The following NUP98 variants were observed in gnomAD, a reference collection of about 807,000 sequenced individuals.
NUP98 encodes nucleoporin 98 and 96 precursor, also known as nuclear pore complex protein Nup98-Nup96.
NUP98 carries 26 observed loss-of-function variants against 191.9 expected under a neutral mutation model. The ratio of observed to expected loss-of-function variants is 0.14; its 90% CI spans 0.10 to 0.19. The LOEUF is 0.19. Among genes scored for constraint, NUP98 ranks in the 10% least tolerant of loss-of-function variants. NUP98 has a pLI of 1.00. For missense variants in NUP98, 1,941 were observed against 2,178.8 expected, an observed-to-expected ratio of 0.89 and a Z score of 2.17; for synonymous variants, 808 against 778.4, an observed-to-expected ratio of 1.04 and a Z score of -0.63.
At chr11:3,706,117 C>G (rs995280700) in intron 21 of NUP98, among the ~76,000 whole-genome samples, 1 of 151,782 alleles carries the variant, frequency 6.6e-6, no homozygotes, top group African/African-American at 2.4e-5. Context: ...TGCAGTGAAC[C>G]AAGATCACAC....
At chr11:3,734,040 C>CTT (rs146511321) in intron 13 of NUP98, among the ~76,000 whole-genome samples, 9 of 146,126 alleles carry the variant, frequency 6.2e-5, no homozygotes, top group African/African-American at 1.2e-4. Context: ...TCCCATTTCT[C>CTT]TTTTTTTTTT....
intron 6 of NUP98, among the ~76,000 whole-genome samples, chr11:3,772,649 T>A (rs987323161): frequency 6.6e-6 from 1 of 151,922 alleles, no homozygotes; most frequent in Non-Finnish European, 1.5e-5. Context: ...ATCCCATCTC[T>A]ACTAAAAATA....
chr11:3,753,192 A>C, intron 11 of NUP98, 124 bp downstream of exon 11: 1 of 797,544 alleles, frequency 1.3e-6, no homozygotes, highest in South Asian at 1.6e-5. Context: ...TTATAAACGC[A>C]ACTGGAAAAA....
chr11:3,773,859 G>A, intron 5 of NUP98, 120 bp from the exon 6 acceptor site: 1 of 552,904 alleles, frequency 1.8e-6, no homozygotes, highest in Non-Finnish European at 3.2e-6. Flanking sequence ...ATACTGAGAT[G>A]GTTTCAAGGG....
chr11:3,678,690 G>T (rs985057779), intron 31 of NUP98, among the ~76,000 whole-genome samples: 2 of 152,102 alleles, frequency 1.3e-5, no homozygotes, highest in South Asian at 2.1e-4. Context: ...CTGGAACGTG[G>T]AATAAGAGTG....
intron 1 of NUP98, among the ~76,000 whole-genome samples, chr11:3,796,720 A>C (rs2082615452): frequency 6.6e-6 from 1 of 152,196 alleles, no homozygotes; most frequent in Admixed American, 6.5e-5. Flanking sequence ...GCATTGGCTA[A>C]TCCTGCCTGT....
chr11:3,687,934 A>G (rs995216933), intron 28 of NUP98, among the ~76,000 whole-genome samples: 2 of 152,216 alleles, frequency 1.3e-5, no homozygotes, highest in Non-Finnish European at 2.9e-5. Flanking sequence ...AAAGATGTAC[A>G]GATGGTAAAT....
intron 14 of NUP98, among the ~76,000 whole-genome samples, chr11:3,725,970 A>T (rs1274092062): frequency 6.6e-6 from 1 of 152,064 alleles, no homozygotes. Context: ...ATAGGCACCC[A>T]CCACCATGCC....
In NUP98 at chr11:3,763,665, C is replaced by T. The variant is rs115154855; in HGVS notation, c.949-626G>A. Among the ~76,000 whole-genome samples the T allele has an allele frequency of 3.3e-4, 50 of 152,258 alleles. 1 individual carries two copies. Among genetic ancestry groups the T allele is most frequent in the African/African-American group, 1.2e-3 (49 of 41,556 alleles). On this transcript the variant is annotated intron_variant, in intron 8 of 32. Transcript: ENST00000324932. ...CTCTGTTCAAGTGATTCTCTCGCCT[C>T]AGCCTCCCAAGTAGCTGGGACTACA... is the stretch of plus-strand genomic sequence containing the variant.
At chr11:3,786,659 A>G (rs572016443) in intron 1 of NUP98, among the ~76,000 whole-genome samples, 17 of 152,330 alleles carry the variant, frequency 1.1e-4, no homozygotes, top group African/African-American at 7.2e-5. Flanking sequence ...ATATTCTGAC[A>G]CTGTCCAAAC....
rs72844304 is a variant in NUP98, at chr11:3,782,127, G to A, written c.-10C>T. 8 of 1,600,218 alleles carry A rather than the reference G, an allele frequency of 5.0e-6. No homozygotes were observed. The highest frequency in any genetic ancestry group is 1.7e-5 in the Admixed American group (1 of 58,530). ...ATGATTTGTTAAACATCTTCAAAATGAGTCTTTGTTTCAGAAAGCTGGGAA... is the reference window on the plus strand; with the variant it reads ...ATGATTTGTTAAACATCTTCAAAATAAGTCTTTGTTTCAGAAAGCTGGGAA... On this transcript the variant is annotated 5_prime_UTR_variant, in exon 2 of 33. Transcript: ENST00000324932.
intron 30 of NUP98, among the ~76,000 whole-genome samples, chr11:3,680,700 C>T (rs1453688037): frequency 6.6e-6 from 1 of 152,048 alleles, no homozygotes; most frequent in African/African-American, 2.4e-5. Context: ...TGTGTGCCAC[C>T]AGGCCCGACT....
chr11:3,788,572 CAA>C (rs1324948109), intron 1 of NUP98, among the ~76,000 whole-genome samples: 1 of 151,870 alleles, frequency 6.6e-6, no homozygotes, highest in Non-Finnish European at 1.5e-5. Context: ...GCCTGGGTGA[CAA>C]GAGTGAAATT....
chr11:3,719,358 GA>G lies in NUP98; in HGVS notation c.2399+53del, dbSNP rs534328293. 9.8e-4 allele frequency: 1,424 copies of G among 1,448,932 alleles called. 13 individuals carry two copies. In the African/African-American group the frequency reaches 0.018, roughly 18 times the overall value. The allele number at this position is 1,448,932 out of a possible 1,614,324, so 89.8% of individuals were successfully genotyped here. On this transcript the variant is annotated intron_variant, in intron 18 of 32. Transcript: ENST00000324932. ...ACATCTAAACACATTTATGTTTACA[GA>G]AAAAAAAATTGTGATTTAGCTGATA...
intron 9 of NUP98, among the ~76,000 whole-genome samples, chr11:3,762,470 T>G (rs1350423270): frequency 1.3e-5 from 2 of 152,038 alleles, no homozygotes; most frequent in Non-Finnish European, 2.9e-5. Context: ...CAAAGTTTCT[T>G]CCATGAGTAC....
intron 15 of NUP98, among the ~76,000 whole-genome samples, chr11:3,724,691 G>A (rs1589813547): frequency 1.3e-5 from 2 of 149,532 alleles, no homozygotes; most frequent in Middle Eastern, 3.5e-3. Context: ...TACATGGGAG[G>A]GTGAGGCAGG....
chr11:3,712,148 T>C, intron 20 of NUP98: 2 of 1,063,778 alleles, frequency 1.9e-6, no homozygotes, highest in Non-Finnish European at 2.3e-6. Flanking sequence ...TAAAAACCCT[T>C]TCAGAAAGCT....
At chr11:3,758,693 G>A (rs2081061306) in intron 10 of NUP98, among the ~76,000 whole-genome samples, 1 of 152,098 alleles carries the variant, frequency 6.6e-6, no homozygotes, top group Admixed American at 6.6e-5. Flanking sequence ...GCCGAGACAG[G>A]AAAATCACTC....
At chr11:3,725,275 TC>T in intron 14 of NUP98, 56 bp from the exon 15 acceptor site, 1 of 770,060 alleles carries the variant, frequency 1.3e-6, no homozygotes, top group Non-Finnish European at 2.2e-6. Context: ...TACAGATATG[TC>T]CCAGACATTA....
Sources: allele counts gnomAD v4.1 joint callset (sites outside exome capture counted in the v4.1 genomes callset), GRCh38; gene constraint gnomAD v4.1.1; transcripts MANE v1.5; gene names NCBI Gene and HGNC (gene_info 2026-07-23, HGNC 2026-07-21).